Variants in PAPPA2 observed in about 807,000 individuals in gnomAD.
The protein encoded by PAPPA2 is pappalysin 2.
In PAPPA2, 86 loss-of-function variants were observed where a neutral mutation model predicts 176.4. The observed-to-expected ratio is 0.49, with a 90% confidence interval of 0.41 to 0.58. PAPPA2 has a LOEUF of 0.58. Among genes scored for constraint, PAPPA2 ranks in the 20% least tolerant of loss-of-function variants. The pLI, the probability that PAPPA2 is intolerant of heterozygous loss-of-function variation, is 0.00. For synonymous variants in PAPPA2, 809 were observed against 852.2 expected (o/e 0.95, Z 0.88); for missense variants, 2,073 against 2,256.9 (o/e 0.92, Z 1.65).
intron 3 of PAPPA2, among the ~76,000 whole-genome samples, chr1:176,614,046 A>G (rs769521284): frequency 5.9e-5 from 9 of 152,230 alleles, no homozygotes; most frequent in Non-Finnish European, 1.0e-4. Context: ...AAAAACTCCA[A>G]TGATGAGTGG....
At position 176,501,269 on chromosome 1, in the gene PAPPA2, A is replaced by G. The variant is rs924258975; in HGVS notation, c.-917+37851A>G. On this transcript the variant is annotated intron_variant, in intron 1 of 22. Transcript: ENST00000367662. ...CTTAAAAGTTAGTGGCTTCTGATAA[A>G]TATCTCCCTATTTTTTAGTTATCAC... is the stretch of plus-strand genomic sequence containing the variant. Among the ~76,000 whole-genome samples the G allele has an allele frequency of 3.9e-5, 6 of 152,088 alleles. No homozygotes were observed. The East Asian group carries it at 5.8e-4, about 15-fold the overall frequency.
chr1:176,840,098 G>A, intron 21 of PAPPA2, 75 bp from the exon 22 acceptor site: 5 of 1,173,160 alleles, frequency 4.3e-6, no homozygotes, highest in Non-Finnish European at 6.4e-6. Flanking sequence ...GATTACGCTG[G>A]GATGGGAGGA....
intron 2 of PAPPA2, among the ~76,000 whole-genome samples, chr1:176,580,882 C>A (rs1031292676): frequency 6.6e-6 from 1 of 152,086 alleles, no homozygotes; most frequent in African/African-American, 2.4e-5. Flanking sequence ...GATATTAAAC[C>A]ACTGTTGGAT....
intron 1 of PAPPA2, among the ~76,000 whole-genome samples, chr1:176,516,908 A>G (rs111670925): frequency 1.4e-4 from 22 of 152,096 alleles, no homozygotes; most frequent in Non-Finnish European, 3.1e-4. Flanking sequence ...TTTCTCAGCT[A>G]TGGTCACTGC....
chr1:176,557,478 C>G (rs1651391404), intron 2 of PAPPA2, among the ~76,000 whole-genome samples: 1 of 152,154 alleles, frequency 6.6e-6, no homozygotes, highest in African/African-American at 2.4e-5. Flanking sequence ...GATCTCATGT[C>G]CTTGTATACA....
intron 1 of PAPPA2, among the ~76,000 whole-genome samples, chr1:176,531,700 T>C (rs1649816059): frequency 6.6e-6 from 1 of 152,160 alleles, no homozygotes; most frequent in African/African-American, 2.4e-5. Flanking sequence ...TATCTGACTT[T>C]GGTTAGGGGG....
intron 1 of PAPPA2, among the ~76,000 whole-genome samples, chr1:176,531,882 A>C (rs1024221905): frequency 5.3e-5 from 8 of 152,200 alleles, no homozygotes; most frequent in Admixed American, 1.3e-4. Context: ...TCTCTGGCAC[A>C]TGTGGGCACT....
At chr1:176,561,432 A>G (rs530459017) in intron 2 of PAPPA2, among the ~76,000 whole-genome samples, 28 of 152,272 alleles carry the variant, frequency 1.8e-4, no homozygotes, top group Middle Eastern at 6.8e-3. Flanking sequence ...GTTCTAACCC[A>G]CTAACCTATC....
At chr1:176,741,894 T>C (rs1365188297) in intron 14 of PAPPA2, among the ~76,000 whole-genome samples, 1 of 152,242 alleles carries the variant, frequency 6.6e-6, no homozygotes, top group East Asian at 1.9e-4. Context: ...TGGCTCTACC[T>C]CTGGCCTTAA....
At chr1:176,767,889 G>C (rs1485437272) in intron 15 of PAPPA2, among the ~76,000 whole-genome samples, 1 of 152,212 alleles carries the variant, frequency 6.6e-6, no homozygotes, top group Non-Finnish European at 1.5e-5. Context: ...TTTGCTTTTT[G>C]TTGACGCAAG....
chr1:176,575,405 C>A (rs939463161), intron 2 of PAPPA2, among the ~76,000 whole-genome samples: 1 of 152,152 alleles, frequency 6.6e-6, no homozygotes, highest in Non-Finnish European at 1.5e-5. Flanking sequence ...TCACCATCTG[C>A]CATGTCTTAC....
intron 1 of PAPPA2, among the ~76,000 whole-genome samples, chr1:176,471,423 T>TA (rs890990203): frequency 2.6e-5 from 4 of 152,134 alleles, no homozygotes; most frequent in Non-Finnish European, 5.9e-5. Flanking sequence ...AAAGCCTTTT[T>TA]AAAAAAATTA....
intron 1 of PAPPA2, among the ~76,000 whole-genome samples, chr1:176,530,217 A>G (rs1206927948): frequency 6.6e-6 from 1 of 152,196 alleles, no homozygotes; most frequent in Non-Finnish European, 1.5e-5. Flanking sequence ...GGCCAAACCT[A>G]CAAGTCACAA....
chr1:176,789,726 T>A (rs1431704325), intron 17 of PAPPA2, 83 bp from the exon 18 acceptor site: 9 of 1,470,814 alleles, frequency 6.1e-6, no homozygotes, highest in Admixed American at 2.0e-5. Flanking sequence ...TTGCTAATTC[T>A]TATGCCATAT....
intron 2 of PAPPA2, among the ~76,000 whole-genome samples, chr1:176,589,625 G>A (rs1653532164): frequency 1.3e-5 from 2 of 152,128 alleles, no homozygotes; most frequent in African/African-American, 4.8e-5. Flanking sequence ...TAATCCATGG[G>A]CTATCATAGT....
intron 1 of PAPPA2, among the ~76,000 whole-genome samples, chr1:176,479,985 C>T (rs540591684): frequency 1.9e-4 from 29 of 152,146 alleles, no homozygotes; most frequent in Non-Finnish European, 2.9e-4. Context: ...GGGAAGTGTC[C>T]GAGGATAAGA....
intron 21 of PAPPA2, among the ~76,000 whole-genome samples, chr1:176,812,041 G>A (rs1272090453): frequency 1.3e-5 from 2 of 152,032 alleles, no homozygotes; most frequent in African/African-American, 2.4e-5. Context: ...CTCTGGAGCC[G>A]TGCTGTGACT....
At chr1:176,796,677 TTTTC>T (rs1460699644) in intron 20 of PAPPA2, among the ~76,000 whole-genome samples, 1 of 151,276 alleles carries the variant, frequency 6.6e-6, no homozygotes, top group East Asian at 1.9e-4. Flanking sequence ...TTCTTTCTCT[TTTTC>T]TTTTTCTTTT....
chr1:176,757,125 G>A (rs1301769111), intron 14 of PAPPA2, among the ~76,000 whole-genome samples: 1 of 152,204 alleles, frequency 6.6e-6, no homozygotes, highest in African/African-American at 2.4e-5. Flanking sequence ...GTTTGGGTTG[G>A]TTCCAAGTCT....
Sources: gnomAD v4.1 joint callset for allele counts (sites outside exome capture counted in the v4.1 genomes callset) on GRCh38, gnomAD v4.1.1 for gene constraint, MANE v1.5 for transcripts, NCBI Gene and HGNC (gene_info 2026-07-23, HGNC 2026-07-21) for gene names.